The following GJB7 variants were observed in gnomAD, a reference collection of about 807,000 sequenced individuals.
The protein encoded by GJB7 is gap junction protein beta 7, also known as gap junction beta-7 protein.
For missense variants in GJB7, 253 were observed against 256.8 expected (o/e 0.99, Z 0.10); for synonymous variants, 87 against 95.2 (o/e 0.91, Z 0.50).
chr6:87,306,215 G>C (rs1422760569), intron 2 of GJB7, among the ~76,000 whole-genome samples: 3 of 152,068 alleles, frequency 2.0e-5, no homozygotes. Context: ...CACAGCAAAA[G>C]AAACTACCGT....
chr6:87,327,017 T>A (rs562207260), intron 1 of GJB7, among the ~76,000 whole-genome samples: 96 of 138,126 alleles, frequency 7.0e-4, no homozygotes, highest in African/African-American at 2.7e-3. Context: ...TTTACCATTA[T>A]GTAATGGCCT....
chr6:87,319,875 C>CAATAA (rs1382452989), intron 2 of GJB7, among the ~76,000 whole-genome samples: 3 of 152,214 alleles, frequency 2.0e-5, no homozygotes, highest in East Asian at 3.9e-4. Context: ...ATAGATGGAA[C>CAATAA]CGGAGGACAT....
rs73754187 is a variant in GJB7, at chr6:87,309,060, T to G, written c.-28+13806A>C. Among the ~76,000 whole-genome samples, 790 of 152,306 alleles carry G rather than the reference T, an allele frequency of 5.2e-3. 8 individuals are homozygous for G. The highest frequency in any genetic ancestry group is 0.017 in the African/African-American group (724 of 41,560). The stretch of plus-strand genomic sequence containing the variant: ...GGCTGAATTCCCTTTCTTGCATGTT[T>G]CCGATTGGCATGGACAGTCAGGGAG... On this transcript the variant is annotated intron_variant, in intron 2 of 2. Transcript: ENST00000525899.
At chr6:87,305,189 G>A (rs1248605419) in intron 2 of GJB7, among the ~76,000 whole-genome samples, 2 of 152,108 alleles carry the variant, frequency 1.3e-5, no homozygotes, top group Non-Finnish European at 2.9e-5. Flanking sequence ...AATCAGGCAG[G>A]AGAAAGAAAT....
intron 2 of GJB7, among the ~76,000 whole-genome samples, chr6:87,306,583 T>A (rs1444290099): frequency 6.6e-6 from 1 of 151,962 alleles, no homozygotes. Flanking sequence ...GATGGGACCG[T>A]AAACTAGTTC....
intron 2 of GJB7, among the ~76,000 whole-genome samples, chr6:87,306,502 C>A (rs569766341): frequency 0.015 from 2,308 of 152,006 alleles, 57 homozygotes; most frequent in African/African-American, 0.052. Context: ...TTAGAATGGC[C>A]ATCATTAAAA....
At position 87,324,023 on chromosome 6, in the gene GJB7, A is replaced by G. The variant is rs531554652; in HGVS notation, c.-205-980T>C. Among the ~76,000 whole-genome samples the G allele has an allele frequency of 9.4e-3, 1,402 of 149,738 alleles. 23 individuals carry two copies. Among genetic ancestry groups the G allele is most frequent in the African/African-American group, 0.033 (1,302 of 39,758 alleles). On this transcript the variant is annotated intron_variant, in intron 1 of 2. Transcript: ENST00000525899. ...TTTGATTTGCATTTCTCTGATGGCC[A>G]GTGATGGTGAGCATTTTTTCATGTG... is the stretch of plus-strand genomic sequence containing the variant.
In GJB7 at chr6:87,299,322, T is replaced by TA. The variant is rs112098250; in HGVS notation, c.-27-14384dup. 2,875 of 477,532 alleles carry TA rather than the reference T, an allele frequency of 6.0e-3. 67 individuals are homozygous for TA. Among genetic ancestry groups the TA allele is most frequent in the African/African-American group, 0.049 (2,490 of 50,442 alleles). The allele number at this position is 477,532 out of a possible 1,614,324, so 29.6% of individuals were successfully genotyped here. ...TTGTCAACATCATTTCTGATGCAAATAAATTTGGAAGAAAGGGTGTCCTCA... is the reference window on the plus strand; with the variant it reads ...TTGTCAACATCATTTCTGATGCAAATAAAATTTGGAAGAAAGGGTGTCCTCA... On this transcript the variant is annotated intron_variant, in intron 2 of 2. Transcript: ENST00000525899.
intron 1 of GJB7, among the ~76,000 whole-genome samples, chr6:87,324,492 A>G (rs1776766029): frequency 6.6e-6 from 1 of 150,580 alleles, no homozygotes; most frequent in South Asian, 2.1e-4. Flanking sequence ...ACATATGGCT[A>G]GCCAGTTTTC....
At chr6:87,306,138 C>T (rs1477685199) in intron 2 of GJB7, among the ~76,000 whole-genome samples, 2 of 151,930 alleles carry the variant, frequency 1.3e-5, no homozygotes, top group Admixed American at 6.6e-5. Flanking sequence ...ATGTCTAAAA[C>T]ACCAAAAGCA....
intron 2 of GJB7, among the ~76,000 whole-genome samples, chr6:87,313,180 A>G (rs1209347374): frequency 6.6e-6 from 1 of 152,246 alleles, no homozygotes; most frequent in Admixed American, 6.5e-5. Context: ...CTTCTAAATG[A>G]TTTGAGGAAA....
chr6:87,299,110 A>C, intron 2 of GJB7: 1 of 495,456 alleles, frequency 2.0e-6, no homozygotes, highest in Non-Finnish European at 4.0e-6. Context: ...GTGCTATTGT[A>C]CTGCCATGCT....
chr6:87,294,256 T>G (rs2127900186), intron 2 of GJB7, among the ~76,000 whole-genome samples: 1 of 152,358 alleles, frequency 6.6e-6, no homozygotes, highest in South Asian at 2.1e-4. Context: ...TGTGAATATG[T>G]GACGCTGCAA....
intron 2 of GJB7, chr6:87,291,988 T>TA (rs1439806202): frequency 6.6e-6 from 1 of 152,234 alleles, no homozygotes; most frequent in African/African-American, 2.4e-5. Flanking sequence ...TCATTTGATT[T>TA]AAAAAAGCAT....
intron 2 of GJB7, chr6:87,291,887 C>G (rs1337431645): frequency 6.6e-6 from 1 of 151,994 alleles, no homozygotes; most frequent in Non-Finnish European, 1.5e-5. Context: ...GCAATTTTCC[C>G]ATTAAATAGA....
intron 2 of GJB7, among the ~76,000 whole-genome samples, chr6:87,310,268 G>T (rs1776496464): frequency 1.3e-5 from 2 of 152,138 alleles, no homozygotes. Flanking sequence ...AGATTTCTTA[G>T]ATATGATATG....
intron 2 of GJB7, among the ~76,000 whole-genome samples, chr6:87,290,348 G>A (rs556141216): frequency 1.3e-5 from 2 of 152,244 alleles, no homozygotes; most frequent in African/African-American, 4.8e-5. Context: ...CTGAAGAAAA[G>A]CATTTCCTCC....
chr6:87,313,025 T>C (rs556321714), intron 2 of GJB7, among the ~76,000 whole-genome samples: 44 of 152,342 alleles, frequency 2.9e-4, no homozygotes, highest in Non-Finnish European at 5.0e-4. Context: ...CTGTGCATTT[T>C]AAACAACTTC....
chr6:87,306,265 C>T (rs1165590397), intron 2 of GJB7, among the ~76,000 whole-genome samples: 6 of 152,172 alleles, frequency 3.9e-5, no homozygotes, highest in African/African-American at 9.6e-5. Context: ...AGAAAATTTC[C>T]ACAACCTACT....
Sources: allele counts gnomAD v4.1 joint callset (sites outside exome capture counted in the v4.1 genomes callset), GRCh38; gene constraint gnomAD v4.1.1; transcripts MANE v1.5; gene names NCBI Gene and HGNC (gene_info 2026-07-23, HGNC 2026-07-21).